DPP10: variants seen among roughly 807,000 people sequenced by gnomAD.
The protein encoded by DPP10 is inactive dipeptidyl peptidase 10.
DPP10 carries 33 observed loss-of-function variants against 120.9 expected under a neutral mutation model. The observed-to-expected ratio is 0.27, with a 90% confidence interval of 0.21 to 0.37. DPP10 has a LOEUF of 0.37. DPP10 is among the 10% of genes least tolerant of loss of function. The probability of loss-of-function intolerance (pLI) is 1.00; values close to 1 mark genes in which losing one functional copy is unlikely to be tolerated. For missense variants in DPP10, 816 were observed against 942.8 expected (o/e 0.87, Z 1.76); for synonymous variants, 337 against 326.1 (o/e 1.03, Z -0.36).
chr2:114,528,272 C>A (rs1685670720), intron 1 of DPP10, among the ~76,000 whole-genome samples: 1 of 152,144 alleles, frequency 6.6e-6, no homozygotes, highest in Non-Finnish European at 1.5e-5. Context: ...CAGGGACTAT[C>A]ATAGTCAATG....
intron 1 of DPP10, among the ~76,000 whole-genome samples, chr2:115,151,624 G>T (rs1183869354): frequency 6.6e-6 from 1 of 151,334 alleles, no homozygotes; most frequent in East Asian, 1.9e-4. Flanking sequence ...GGCTAGGCTG[G>T]TTTTGAACTT....
At chr2:114,686,645 C>T (rs1223722895) in intron 1 of DPP10, among the ~76,000 whole-genome samples, 7 of 151,870 alleles carry the variant, frequency 4.6e-5, no homozygotes, top group Non-Finnish European at 1.0e-4. Context: ...ATGTGGCTAA[C>T]ATTAGACTCA....
intron 3 of DPP10, chr2:115,467,941 G>T (rs2105139949): frequency 4.5e-6 from 1 of 224,568 alleles, no homozygotes; most frequent in East Asian, 1.2e-4. Flanking sequence ...AGAATAAAGA[G>T]AATCATGAAG....
chr2:115,838,519 C>T (rs920143044), intron 24 of DPP10, among the ~76,000 whole-genome samples: 7 of 152,064 alleles, frequency 4.6e-5, no homozygotes, highest in Non-Finnish European at 7.4e-5. Flanking sequence ...TGTATTGAGC[C>T]TTTTATTCAC....
rs78906438 is a variant in DPP10, at chr2:115,838,238, A to T, written c.2182+1492A>T. Among the ~76,000 whole-genome samples the T allele has an allele frequency of 5.5e-3, 834 of 152,266 alleles. 11 individuals are homozygous for T. The highest frequency in any genetic ancestry group is 0.019 in the African/African-American group (804 of 41,554). On this transcript the variant is annotated intron_variant, in intron 24 of 25. Coordinates refer to ENST00000410059, the MANE Select transcript of DPP10 (RefSeq NM_020868.6). ...GAAACATGATGAAAGAGAGCGTAAA[A>T]ATTTTGAGGGACATTTGGATGTTGT... is the stretch of plus-strand genomic sequence containing the variant.
At chr2:114,729,384 C>T (rs1437094914) in intron 1 of DPP10, among the ~76,000 whole-genome samples, 3 of 152,208 alleles carry the variant, frequency 2.0e-5, no homozygotes, top group African/African-American at 4.8e-5. Context: ...ATATGCACCC[C>T]TGAAACCTCT....
intron 1 of DPP10, among the ~76,000 whole-genome samples, chr2:114,716,557 C>G (rs1453942163): frequency 6.6e-6 from 1 of 152,192 alleles, no homozygotes; most frequent in Non-Finnish European, 1.5e-5. Flanking sequence ...GACCACAACT[C>G]AGTTATATAG....
chr2:114,938,924 T>C (rs1401254193), intron 1 of DPP10, among the ~76,000 whole-genome samples: 1 of 152,136 alleles, frequency 6.6e-6, no homozygotes, highest in African/African-American at 2.4e-5. Context: ...TAGCTTTTGA[T>C]ATTATATTTG....
Position 114,655,369 on chromosome 2 carries a change from C to T in DPP10, c.60+212531C>T, listed in dbSNP as rs554745432. ...CGTGTGGCGTTTAAAGAAATTTCTG[C>T]TAAATTTCTGTTTGGCTTCAGCAAA... On this transcript the variant is annotated intron_variant, in intron 1 of 25. Transcript: ENST00000410059. Among the ~76,000 whole-genome samples, 8 of 152,224 alleles carry T rather than the reference C, an allele frequency of 5.3e-5. No individual in the cohort carries two copies. The South Asian group carries it at 1.2e-3, about 24-fold the overall frequency.
chr2:115,315,276 TACACACACACAC>T (rs138469343), intron 2 of DPP10, among the ~76,000 whole-genome samples: 3 of 147,816 alleles, frequency 2.0e-5, no homozygotes, highest in African/African-American at 7.4e-5. Context: ...CACACACACA[TACACACACACAC>T]ACACACATAC....
intron 1 of DPP10, among the ~76,000 whole-genome samples, chr2:114,910,017 CAT>C (rs1491519361): frequency 5.3e-5 from 8 of 151,550 alleles, no homozygotes; most frequent in African/African-American, 1.7e-4. Flanking sequence ...TATATATAAA[CAT>C]GTGTGTGTAT....
At chr2:114,876,939 C>T (rs963773949) in intron 1 of DPP10, among the ~76,000 whole-genome samples, 1 of 151,922 alleles carries the variant, frequency 6.6e-6, no homozygotes, top group Non-Finnish European at 1.5e-5. Context: ...TCTGCAGTCT[C>T]TCTCTTGACT....
chr2:115,342,210 GT>G (rs1559455615), intron 2 of DPP10: 3 of 445,274 alleles, frequency 6.7e-6, no homozygotes, highest in South Asian at 1.6e-5. Flanking sequence ...TGTGTAATTT[GT>G]TTTTTGAGAC....
chr2:115,348,887 G>T (rs1184855696), intron 3 of DPP10, among the ~76,000 whole-genome samples: 2 of 152,044 alleles, frequency 1.3e-5, no homozygotes, highest in Non-Finnish European at 2.9e-5. Context: ...ATATCAAATT[G>T]CTATGAAAAT....
rs57013331 is a variant in DPP10, at chr2:114,748,362, TTTTATTTATTTATTTA to T, written c.60+305548_60+305563del. The stretch of plus-strand genomic sequence containing the variant: ...TCTTTTTTTTTTTTATTTTTTTTTA[TTTTATTTATTTATTTA>T]TTTATTTATTTATTTATTTATTTTA... On this transcript the variant is annotated intron_variant, in intron 1 of 25. Coordinates refer to ENST00000410059, the MANE Select transcript of DPP10 (RefSeq NM_020868.6). 3.2e-3 allele frequency among the ~76,000 whole-genome samples: 400 copies of T among 124,730 alleles called. 3 individuals carry two copies. Among genetic ancestry groups the T allele is most frequent in the Non-Finnish European group, 5.0e-3 (308 of 62,036 alleles). The allele number at this position is 124,730 out of a possible 152,430, so 81.8% of individuals were successfully genotyped here.
At chr2:115,238,886 A>AT (rs1437735724) in intron 1 of DPP10, among the ~76,000 whole-genome samples, 3 of 152,130 alleles carry the variant, frequency 2.0e-5, no homozygotes, top group Non-Finnish European at 4.4e-5. Flanking sequence ...CACGATCACA[A>AT]GGTCCCATCA....
intron 1 of DPP10, among the ~76,000 whole-genome samples, chr2:114,791,795 A>C (rs990218684): frequency 5.9e-5 from 9 of 152,220 alleles, no homozygotes; most frequent in Non-Finnish European, 1.2e-4. Context: ...TCCAATATAC[A>C]TAGGAGGTGG....
intron 5 of DPP10, among the ~76,000 whole-genome samples, chr2:115,576,029 C>G (rs2081632751): frequency 6.6e-6 from 1 of 152,154 alleles, no homozygotes; most frequent in African/African-American, 2.4e-5. Context: ...CCCTAGAAGG[C>G]CTCCTCACTG....
intron 3 of DPP10, among the ~76,000 whole-genome samples, chr2:115,390,646 C>G (rs552023493): frequency 6.6e-6 from 1 of 152,144 alleles, no homozygotes; most frequent in South Asian, 2.1e-4. Context: ...AATTTTGCCC[C>G]CCTCAAAGCC....
Sources: gnomAD v4.1 joint callset for allele counts (sites outside exome capture counted in the v4.1 genomes callset) on GRCh38, gnomAD v4.1.1 for gene constraint, MANE v1.5 for transcripts, NCBI Gene and HGNC (gene_info 2026-07-23, HGNC 2026-07-21) for gene names.